DLGAP1: variants seen among roughly 807,000 people sequenced by gnomAD.
DLGAP1 encodes the protein disks large-associated protein 1.
DLGAP1 carries 11 observed loss-of-function variants against 90.8 expected under a neutral mutation model. The observed-to-expected ratio is 0.12, with a 90% CI of 0.08 to 0.20. The LOEUF (loss-of-function observed/expected upper bound fraction) is 0.20, where lower values mean the gene tolerates loss of function less well. Among genes scored for constraint, DLGAP1 ranks in the 10% least tolerant of loss-of-function variants. DLGAP1 has a pLI of 1.00. For synonymous variants in DLGAP1, 558 were observed against 540.7 expected (o/e 1.03, Z -0.44); for missense variants, 1,050 against 1,333.8 (o/e 0.79, Z 3.31).
At chr18:3,911,162 C>T (rs73940283) in intron 3 of DLGAP1, among the ~76,000 whole-genome samples, 4,152 of 152,224 alleles carry the variant, frequency 0.027, 191 homozygotes, top group African/African-American at 0.095. Flanking sequence ...TGACTGGGCA[C>T]CTACTTCGAG....
intron 3 of DLGAP1, among the ~76,000 whole-genome samples, chr18:3,906,896 G>C (rs1183909367): frequency 1.3e-5 from 2 of 152,036 alleles, no homozygotes; most frequent in African/African-American, 4.8e-5. Context: ...CAACCACCTT[G>C]TTTCTTCAAG....
chr18:4,082,452 A>G lies in DLGAP1; in HGVS notation c.-159+68728T>C, dbSNP rs150254485. Among the ~76,000 whole-genome samples, 1,123 of 136,582 alleles carry G rather than the reference A, an allele frequency of 8.2e-3. 12 individuals are homozygous for G. Among genetic ancestry groups the G allele is most frequent in the African/African-American group, 0.029 (1,080 of 37,106 alleles). The allele number at this position is 136,582 out of a possible 152,430, so 89.6% of individuals were successfully genotyped here. On this transcript the variant is annotated intron_variant, in intron 2 of 12. Transcript: ENST00000315677. Reference sequence around the variant, plus strand: ...CTTGAACCTGGGAGGCAGAGGTTGCAGTGAGTTGAGATTGTGCCACTGCAC... The same window carrying G: ...CTTGAACCTGGGAGGCAGAGGTTGCGGTGAGTTGAGATTGTGCCACTGCAC...
At chr18:3,706,473 T>C (rs1454719001) in intron 7 of DLGAP1, among the ~76,000 whole-genome samples, 3 of 152,162 alleles carry the variant, frequency 2.0e-5, no homozygotes, top group Non-Finnish European at 4.4e-5. Context: ...TCAGCCTTCC[T>C]GCAAAGAGCA....
At chr18:3,905,978 G>A (rs574707971) in intron 3 of DLGAP1, among the ~76,000 whole-genome samples, 2 of 152,198 alleles carry the variant, frequency 1.3e-5, no homozygotes, top group South Asian at 4.1e-4. Flanking sequence ...TGCTTGAAAT[G>A]ACTGCTATGA....
chr18:4,427,267 G>C (rs1215965002), intron 1 of DLGAP1, among the ~76,000 whole-genome samples: 1 of 152,192 alleles, frequency 6.6e-6, no homozygotes, highest in Non-Finnish European at 1.5e-5. Flanking sequence ...CAACCTAGCA[G>C]ATGGGGTAAG....
intron 1 of DLGAP1, among the ~76,000 whole-genome samples, chr18:4,201,114 G>A (rs891291408): frequency 2.0e-5 from 3 of 148,412 alleles, no homozygotes; most frequent in African/African-American, 5.3e-5. Context: ...TTCTGTTGAC[G>A]ACTTTTTTTT....
chr18:3,961,094 G>A (rs1001653820), intron 3 of DLGAP1, among the ~76,000 whole-genome samples: 1 of 152,132 alleles, frequency 6.6e-6, no homozygotes, highest in African/African-American at 2.4e-5. Context: ...TGGGCCGCTG[G>A]GGGAGCAGGC....
At chr18:3,547,914 A>G in intron 9 of DLGAP1, among the ~76,000 whole-genome samples, 1 of 152,228 alleles carries the variant, frequency 6.6e-6, no homozygotes, top group East Asian at 1.9e-4. Context: ...ATTCACTCAT[A>G]AAAAGGAATT....
intron 5 of DLGAP1, among the ~76,000 whole-genome samples, chr18:3,777,429 A>T (rs985423296): frequency 3.3e-5 from 5 of 151,882 alleles, no homozygotes; most frequent in African/African-American, 1.2e-4. Context: ...AAGTGTAGAT[A>T]ATTTTATAAA....
At position 4,215,054 on chromosome 18, in the gene DLGAP1, A is replaced by G. The variant is rs1022991578; in HGVS notation, c.-266-63767T>C. On this transcript the variant is annotated intron_variant, in intron 1 of 12. Coordinates refer to ENST00000315677, the MANE Select transcript of DLGAP1 (RefSeq NM_004746.4). Reference sequence around the variant, plus strand: ...TGAGATTTATTTTACTGTAGTATCAAATTTGTTCTCTTTATTCTCACTTTA... The same window carrying G: ...TGAGATTTATTTTACTGTAGTATCAGATTTGTTCTCTTTATTCTCACTTTA... Among the ~76,000 whole-genome samples, 6 of 152,276 alleles carry G rather than the reference A, an allele frequency of 3.9e-5. No homozygotes were observed. The Middle Eastern group carries it at 0.01, about 259-fold the overall frequency.
chr18:4,269,691 A>T (rs1182562919), intron 1 of DLGAP1, among the ~76,000 whole-genome samples: 1 of 152,112 alleles, frequency 6.6e-6, no homozygotes, highest in Admixed American at 6.5e-5. Context: ...GAGAAATAAA[A>T]GCCATTTGAA....
chr18:3,957,146 G>T (rs2073100617), intron 3 of DLGAP1, among the ~76,000 whole-genome samples: 1 of 152,200 alleles, frequency 6.6e-6, no homozygotes, highest in Non-Finnish European at 1.5e-5. Context: ...GTGGGCCAAT[G>T]TAATTATCAG....
chr18:3,640,837 T>C (rs755906072), intron 7 of DLGAP1, among the ~76,000 whole-genome samples: 2 of 152,238 alleles, frequency 1.3e-5, no homozygotes, highest in Non-Finnish European at 2.9e-5. Context: ...ATTTATTGAG[T>C]GCACACAATG....
intron 1 of DLGAP1, among the ~76,000 whole-genome samples, chr18:4,274,683 T>C (rs1033741789): frequency 6.6e-6 from 1 of 152,328 alleles, no homozygotes; most frequent in African/African-American, 2.4e-5. Flanking sequence ...ACTTGTAATT[T>C]AATAGCATCA....
At chr18:4,053,274 G>A (rs2075162652) in intron 2 of DLGAP1, among the ~76,000 whole-genome samples, 1 of 152,184 alleles carries the variant, frequency 6.6e-6, no homozygotes, top group African/African-American at 2.4e-5. Flanking sequence ...AATCATGGTA[G>A]ATGGGGAAGA....
intron 1 of DLGAP1, among the ~76,000 whole-genome samples, chr18:4,388,239 A>G (rs887862749): frequency 6.6e-6 from 1 of 152,038 alleles, no homozygotes; most frequent in African/African-American, 2.4e-5. Context: ...TAAAACATAG[A>G]GAGGGGAAAC....
chr18:4,172,826 C>G (rs981211873), intron 1 of DLGAP1, among the ~76,000 whole-genome samples: 1 of 152,200 alleles, frequency 6.6e-6, no homozygotes, highest in Non-Finnish European at 1.5e-5. Flanking sequence ...AAACTGTAAG[C>G]ATGAATGTAT....
chr18:3,991,095 A>G (rs2073958000), intron 3 of DLGAP1, among the ~76,000 whole-genome samples: 1 of 152,146 alleles, frequency 6.6e-6, no homozygotes, highest in East Asian at 1.9e-4. Flanking sequence ...TCACCCAGGT[A>G]ATCAGCATAA....
At chr18:4,267,624 A>G (rs935228620) in intron 1 of DLGAP1, among the ~76,000 whole-genome samples, 7 of 152,214 alleles carry the variant, frequency 4.6e-5, no homozygotes, top group Admixed American at 2.0e-4. Flanking sequence ...AATTTAAAAC[A>G]ACACACATTT....
Sources: gnomAD v4.1 joint callset for allele counts (sites outside exome capture counted in the v4.1 genomes callset) on GRCh38, gnomAD v4.1.1 for gene constraint, MANE v1.5 for transcripts, NCBI Gene and HGNC (gene_info 2026-07-23, HGNC 2026-07-21) for gene names.